The following DOCK4 variants were observed in gnomAD, a reference collection of about 807,000 sequenced individuals.
DOCK4 encodes dedicator of cytokinesis protein 4.
A neutral mutation model predicts 268.1 loss-of-function variants in DOCK4; 97 were observed. The observed-to-expected ratio is 0.36, with a 90% CI of 0.31 to 0.43. DOCK4 has a LOEUF of 0.43. Among genes scored for constraint, DOCK4 ranks in the 20% least tolerant of loss-of-function variants. The pLI is 1.00. For missense variants in DOCK4, 2,145 were observed against 2,455.7 expected (o/e 0.87, Z 2.67); for synonymous variants, 954 against 887.2 (o/e 1.08, Z -1.34).
At chr7:112,082,243 T>C (rs1179523901) in intron 1 of DOCK4, among the ~76,000 whole-genome samples, 1 of 152,174 alleles carries the variant, frequency 6.6e-6, no homozygotes, top group Non-Finnish European at 1.5e-5. Context: ...TCATGCTTAG[T>C]GAAATCTCAA....
intron 17 of DOCK4, among the ~76,000 whole-genome samples, chr7:111,875,415 T>C (rs1806771612): frequency 6.6e-6 from 1 of 152,216 alleles, no homozygotes; most frequent in South Asian, 2.1e-4. Flanking sequence ...ACCAAATATT[T>C]TGATGGAAGA....
intron 1 of DOCK4, among the ~76,000 whole-genome samples, chr7:112,158,906 AG>A (rs1816845622): frequency 6.6e-6 from 1 of 152,178 alleles, no homozygotes; most frequent in African/African-American, 2.4e-5. Context: ...GCACAGTTTA[AG>A]GTTTACACGG....
At chr7:111,848,359 G>A (rs1804276521) in intron 23 of DOCK4, among the ~76,000 whole-genome samples, 1 of 152,140 alleles carries the variant, frequency 6.6e-6, no homozygotes, top group Non-Finnish European at 1.5e-5. Context: ...AGGTCCCTGT[G>A]CTCAGAAGGA....
chr7:112,035,880 T>A (rs1457419682), intron 1 of DOCK4, among the ~76,000 whole-genome samples: 2 of 152,050 alleles, frequency 1.3e-5, no homozygotes, highest in African/African-American at 2.4e-5. Context: ...ACATAATTTT[T>A]AAAAAATCGA....
intron 39 of DOCK4, among the ~76,000 whole-genome samples, chr7:111,762,740 A>G (rs969416120): frequency 2.5e-5 from 3 of 120,622 alleles, no homozygotes; most frequent in African/African-American, 8.9e-5. Flanking sequence ...TATTCTTTAA[A>G]TAACCCATTT....
chr7:111,987,077 ACAGT>A lies in DOCK4; in HGVS notation c.464+1934_464+1937del, dbSNP rs906686026. Reference sequence around the variant, plus strand: ...TGTACTGTAAGTTATTTTAAAATAAACAGTCAAAGAATTTCAAAGAAAACGGAAT... The same window carrying A: ...TGTACTGTAAGTTATTTTAAAATAAACAAAGAATTTCAAAGAAAACGGAAT... On this transcript the variant is annotated intron_variant, in intron 6 of 52. Transcript: ENST00000428084. Among the ~76,000 whole-genome samples the A allele has an allele frequency of 8.9e-4, 135 of 152,368 alleles. 2 individuals are homozygous for A. Among genetic ancestry groups the A allele is most frequent in the Non-Finnish European group, 2.9e-4 (20 of 68,042 alleles).
At chr7:112,105,096 A>G (rs1404212137) in intron 1 of DOCK4, among the ~76,000 whole-genome samples, 1 of 151,816 alleles carries the variant, frequency 6.6e-6, no homozygotes, top group Non-Finnish European at 1.5e-5. Context: ...TATTGAGTGC[A>G]TTTTTCTGCT....
chr7:112,203,244 A>G (rs1821100358), intron 1 of DOCK4, among the ~76,000 whole-genome samples: 1 of 152,228 alleles, frequency 6.6e-6, no homozygotes, highest in South Asian at 2.1e-4. Context: ...GCCTCTTAAC[A>G]TGATTTCTAA....
At chr7:112,121,484 C>T (rs1812723494) in intron 1 of DOCK4, among the ~76,000 whole-genome samples, 1 of 152,120 alleles carries the variant, frequency 6.6e-6, no homozygotes, top group Non-Finnish European at 1.5e-5. Context: ...TCTCTTTTGT[C>T]CACTTTATGT....
chr7:111,794,197 C>T (rs1799739714), intron 30 of DOCK4, among the ~76,000 whole-genome samples: 1 of 152,048 alleles, frequency 6.6e-6, no homozygotes, highest in Admixed American at 6.6e-5. Context: ...GTAAACACTG[C>T]TATTAAATGA....
At chr7:111,868,222 G>T in intron 21 of DOCK4, 68 bp from the exon 22 acceptor site, 4 of 1,233,306 alleles carry the variant, frequency 3.2e-6, no homozygotes, top group Non-Finnish European at 4.4e-6. Context: ...CAATGACACG[G>T]CATAAAAACC....
At chr7:112,020,685 TAAAAA>T (rs58803593) in intron 1 of DOCK4, among the ~76,000 whole-genome samples, 9 of 116,904 alleles carry the variant, frequency 7.7e-5, no homozygotes, top group Admixed American at 1.8e-4. Flanking sequence ...ACCCTAAAAG[TAAAAA>T]AAAAAAAAAA....
At chr7:111,783,198 C>T (rs1250173405) in intron 34 of DOCK4, among the ~76,000 whole-genome samples, 3 of 151,916 alleles carry the variant, frequency 2.0e-5, no homozygotes, top group Admixed American at 6.6e-5. Context: ...GATTATGCTC[C>T]CTCTCAATGG....
At chr7:111,831,792 T>G (rs553136855) in intron 26 of DOCK4, among the ~76,000 whole-genome samples, 41 of 152,242 alleles carry the variant, frequency 2.7e-4, no homozygotes, top group South Asian at 2.5e-3. Context: ...TCTGGCCAAA[T>G]GCATTTTCAA....
chr7:111,933,075 TAC>T (rs1223755470), intron 12 of DOCK4, among the ~76,000 whole-genome samples: 4 of 144,154 alleles, frequency 2.8e-5, no homozygotes, highest in East Asian at 2.1e-4. Context: ...TACATATATA[TAC>T]ACATATATAT....
At chr7:112,131,818 G>C (rs1445506823) in intron 1 of DOCK4, among the ~76,000 whole-genome samples, 1 of 152,174 alleles carries the variant, frequency 6.6e-6, no homozygotes. Context: ...AAAGCACAAA[G>C]TGGGGTTGTA....
At chr7:111,952,198 C>T (rs1796110646) in intron 8 of DOCK4, among the ~76,000 whole-genome samples, 1 of 151,960 alleles carries the variant, frequency 6.6e-6, no homozygotes, top group Admixed American at 6.6e-5. Context: ...ATGGAAATTA[C>T]ACCTGTGACC....
intron 30 of DOCK4, among the ~76,000 whole-genome samples, chr7:111,797,656 C>T (rs1454050249): frequency 2.0e-5 from 3 of 152,030 alleles, no homozygotes; most frequent in Non-Finnish European, 4.4e-5. Flanking sequence ...TGACTGAAAC[C>T]CCAAAAACTC....
At chr7:112,065,101 C>T (rs1806794029) in intron 1 of DOCK4, among the ~76,000 whole-genome samples, 2 of 152,150 alleles carry the variant, frequency 1.3e-5, no homozygotes, top group African/African-American at 2.4e-5. Context: ...ATGCAATCAG[C>T]GAAGCAGGTT....
Sources: allele counts gnomAD v4.1 joint callset (sites outside exome capture counted in the v4.1 genomes callset), GRCh38; gene constraint gnomAD v4.1.1; transcripts MANE v1.5; gene names NCBI Gene and HGNC (gene_info 2026-07-23, HGNC 2026-07-21).